The following LGMN variants were observed in gnomAD, a reference collection of about 807,000 sequenced individuals.
The protein encoded by LGMN is legumain.
Under a neutral mutation model 56.8 loss-of-function variants are expected in LGMN, and 36 were observed. The observed-to-expected ratio is 0.63, with a 90% confidence interval of 0.49 to 0.84. LGMN has a LOEUF of 0.84. Among genes scored for constraint, LGMN ranks in the 40% least tolerant of loss-of-function variants. The pLI, the probability that LGMN is intolerant of heterozygous loss-of-function variation, is 0.00. For synonymous variants in LGMN, 199 were observed against 210.1 expected (o/e 0.95, Z 0.46); for missense variants, 446 against 556.1 (o/e 0.80, Z 1.99).
chr14:92,728,157 C>G (rs1890837688), intron 2 of LGMN, among the ~76,000 whole-genome samples: 1 of 152,184 alleles, frequency 6.6e-6, no homozygotes, highest in Non-Finnish European at 1.5e-5. Flanking sequence ...TTTTTGGCAC[C>G]AGGGACTGGT....
intron 1 of LGMN, among the ~76,000 whole-genome samples, chr14:92,740,045 GT>G (rs1489318912): frequency 1.3e-5 from 2 of 152,308 alleles, no homozygotes; most frequent in East Asian, 3.9e-4. Context: ...GAGGTCGGGA[GT>G]TCAAGACCAG....
chr14:92,729,668 G>A (rs1595554645), intron 2 of LGMN, among the ~76,000 whole-genome samples: 1 of 152,176 alleles, frequency 6.6e-6, no homozygotes, highest in Non-Finnish European at 1.5e-5. Context: ...GTTAATCCAA[G>A]GAAAATATAA....
At chr14:92,713,704 C>T in intron 7 of LGMN, 119 bp downstream of exon 7, 2 of 749,422 alleles carry the variant, frequency 2.7e-6, no homozygotes, top group Non-Finnish European at 4.8e-6. Flanking sequence ...TTGGAAGGAT[C>T]CCCTTTCTAG....
intron 13 of LGMN, 111 bp from the exon 14 acceptor site, chr14:92,704,472 G>C: frequency 9.5e-7 from 1 of 1,057,620 alleles, no homozygotes; most frequent in Non-Finnish European, 1.5e-6. Context: ...CCGCCCAGCA[G>C]CTGTCACTGA....
At position 92,712,933 on chromosome 14, in the gene LGMN, CT is replaced by C. The variant is rs1889870258; in HGVS notation, c.544-63del. ...CAGGTACGGGCCTCCAGCCATGCTA[CT>C]GGAGCTCTGCCCACTCTCTCTACCC... On this transcript the variant is annotated intron_variant, in intron 7 of 13. Coordinates refer to ENST00000334869, the MANE Select transcript of LGMN (RefSeq NM_005606.7). The C allele has an allele frequency of 6.1e-6, 9 of 1,463,800 alleles. No homozygotes were observed. The East Asian group carries it at 2.1e-4, about 34-fold the overall frequency. 90.7% of individuals were successfully genotyped at this position (1,463,800 alleles called of 1,614,324 possible).
At chr14:92,715,188 G>A (rs537638391) in intron 5 of LGMN, among the ~76,000 whole-genome samples, 20 of 149,422 alleles carry the variant, frequency 1.3e-4, no homozygotes, top group South Asian at 8.6e-4. Context: ...TAGTAGAGAC[G>A]GGGATTCACA....
At chr14:92,746,599 T>G (rs1595571576) in intron 1 of LGMN, among the ~76,000 whole-genome samples, 1 of 152,320 alleles carries the variant, frequency 6.6e-6, no homozygotes, top group African/African-American at 2.4e-5. Context: ...GTGGCCTTTC[T>G]CCAACACTTT....
Position 92,732,636 on chromosome 14 carries a change from G to C in LGMN, c.138+13C>G. 6.2e-7 allele frequency: 1 copy of C among 1,612,828 alleles called. No homozygotes were observed. Among genetic ancestry groups the C allele is most frequent in the African/African-American group, 1.3e-5 (1 of 74,966 alleles). ...AGTGTCCTTAACAAAAAAAAGATTAGTCATTTTCTTACCTGGTGCCTATAA... is the reference window on the plus strand; with the variant it reads ...AGTGTCCTTAACAAAAAAAAGATTACTCATTTTCTTACCTGGTGCCTATAA... On this transcript the variant is annotated intron_variant, in intron 2 of 13. Coordinates refer to ENST00000334869, the MANE Select transcript of LGMN (RefSeq NM_005606.7).
At chr14:92,718,040 A>G (rs1890159986) in intron 3 of LGMN, among the ~76,000 whole-genome samples, 1 of 152,258 alleles carries the variant, frequency 6.6e-6, no homozygotes, top group Admixed American at 6.5e-5. Flanking sequence ...AGTTAAACTC[A>G]GCAAGTAATA....
chr14:92,747,971 C>A (rs1891892427), intron 1 of LGMN, among the ~76,000 whole-genome samples: 1 of 152,158 alleles, frequency 6.6e-6, no homozygotes, highest in Non-Finnish European at 1.5e-5. Flanking sequence ...AAACTCTCAC[C>A]AGCTCAAACC....
Position 92,706,567 on chromosome 14 carries a change from C to T in LGMN, c.1107G>A (p.Glu369=), listed in dbSNP as rs1245813432. The T allele has an allele frequency of 6.2e-7, 1 of 1,605,308 alleles. No individual in the cohort carries two copies. The highest frequency in any genetic ancestry group is 8.5e-7 in the Non-Finnish European group (1 of 1,172,916). ...SEAEVEQLLS[E]RAPLTGHSCY... The stretch of plus-strand genomic sequence containing the variant: ...AGCTGTGCCCCGTGAGCGGGGCTCT[C>T]TCGGACAGGAGCTGCTCCACCTCAG... Residue 369 remains glutamate (E), a synonymous_variant, in exon 12 of 14, where the codon GAG becomes GAA. Coordinates refer to ENST00000334869, the MANE Select transcript of LGMN (RefSeq NM_005606.7).
At chr14:92,741,127 C>G (rs1595566360) in intron 1 of LGMN, 1 of 150,868 alleles carries the variant, frequency 6.6e-6, no homozygotes, top group African/African-American at 2.4e-5. Context: ...GCAGAGGTTG[C>G]AGTGAGCCAA....
At chr14:92,718,643 A>C in intron 3 of LGMN, 104 bp downstream of exon 3, 1 of 669,788 alleles carries the variant, frequency 1.5e-6, no homozygotes, top group Non-Finnish European at 2.7e-6. Flanking sequence ...GGAGTCTCTT[A>C]TATATTTTAA....
intron 2 of LGMN, among the ~76,000 whole-genome samples, chr14:92,719,329 GCCACCGCCATCACCGCCACCA>G (rs1890323104): frequency 5.4e-5 from 3 of 55,434 alleles, no homozygotes; most frequent in African/African-American, 3.0e-4. Flanking sequence ...CGCCGCCACC[GCCACCGCCATCACCGCCACCA>G]CCACCAACAC....
chr14:92,721,252 T>C (rs531034830), intron 2 of LGMN, among the ~76,000 whole-genome samples: 1 of 152,286 alleles, frequency 6.6e-6, no homozygotes, highest in Non-Finnish European at 1.5e-5. Context: ...GGAGTCAGTG[T>C]CCAAGTGATG....
rs1173155927 is a variant in LGMN, at chr14:92,714,485, T to C, written c.405-34A>G. Reference sequence around the variant, plus strand: ...AAGGAATCGGGGGTCAATCATTTCCTTTTTCTGTTTTTACTTCTATTTCTC... The same window carrying C: ...AAGGAATCGGGGGTCAATCATTTCCCTTTTCTGTTTTTACTTCTATTTCTC... On this transcript the variant is annotated intron_variant, in intron 5 of 13. Transcript: ENST00000334869. This position sits in a 1 kb window ranked among gnomAD's most constrained non-coding sequence, Gnocchi z 5.1. 1 of 1,434,236 alleles carries C rather than the reference T, an allele frequency of 7.0e-7. No homozygotes were observed. Among genetic ancestry groups the C allele is most frequent in the Non-Finnish European group, 9.7e-7 (1 of 1,027,318 alleles). 88.8% of individuals were successfully genotyped at this position (1,434,236 alleles called of 1,614,324 possible).
chr14:92,732,129 C>T (rs1217836362), intron 2 of LGMN, among the ~76,000 whole-genome samples: 2 of 152,208 alleles, frequency 1.3e-5, no homozygotes, highest in Non-Finnish European at 2.9e-5. Flanking sequence ...GTCACCTCCA[C>T]TCTCTAGGCC....
chr14:92,736,603 TAAATA>T (rs1891320288), intron 1 of LGMN, among the ~76,000 whole-genome samples: 1 of 152,070 alleles, frequency 6.6e-6, no homozygotes, highest in African/African-American at 2.4e-5. Context: ...CTTAAATAAA[TAAATA>T]AAATAAAGTG....
intron 4 of LGMN, among the ~76,000 whole-genome samples, chr14:92,717,102 G>A (rs1165085367): frequency 6.6e-6 from 1 of 152,188 alleles, no homozygotes. Context: ...GATATCTCAA[G>A]AAAGGTTAAT....
Sources: gnomAD v4.1 joint callset for allele counts (sites outside exome capture counted in the v4.1 genomes callset) on GRCh38, gnomAD v4.1.1 for gene constraint, Gnocchi (gnomAD v3.1) non-coding constraint, MANE v1.5 for transcripts, NCBI Gene and HGNC (gene_info 2026-07-23, HGNC 2026-07-21) for gene names.